Variants in ZC3H12D observed in about 807,000 individuals in gnomAD.
ZC3H12D encodes zinc finger CCCH-type containing 12D.
In ZC3H12D, 11 loss-of-function variants were observed where a neutral mutation model predicts 24.2. That is an observed-to-expected ratio of 0.46 (90% CI 0.29 to 0.75). ZC3H12D has a LOEUF of 0.75. Among genes scored for constraint, ZC3H12D ranks in the 30% least tolerant of loss-of-function variants. The pLI is 0.11. For synonymous variants in ZC3H12D, 333 were observed against 341.8 expected (o/e 0.97, Z 0.28); for missense variants, 740 against 767.7 (o/e 0.96, Z 0.43).
Position 149,461,921 on chromosome 6 carries a change from C to T in ZC3H12D, c.355G>A (p.Asp119Asn), listed in dbSNP as rs143417910. ...FSCRGIKLAVDWFRDRGHTYI... is the reference protein window; with the variant it reads ...FSCRGIKLAVNWFRDRGHTYI... ...GTGTGTCCTCTGTCCCTGAACCAGT[C>T]AACAGCCAGCTTGATTCCCCGGCAA... Residue 119 changes from aspartate (D) to asparagine (N), a missense_variant, in exon 3 of 6, where the codon GAC (aspartate) becomes AAC (asparagine). Asp to Asn is a conservative substitution (Grantham distance 23, BLOSUM62 1). Transcript: ENST00000409806. 317 of 1,611,428 alleles carry T rather than the reference C, an allele frequency of 2.0e-4. No homozygotes were observed. The African/African-American group carries it at 3.9e-3, about 20-fold the overall frequency.
chr6:149,455,296 C>G (rs1322447641), intron 4 of ZC3H12D, among the ~76,000 whole-genome samples: 1 of 152,240 alleles, frequency 6.6e-6, no homozygotes, highest in Non-Finnish European at 1.5e-5. Flanking sequence ...CTCGGTCATT[C>G]CTTTACAACT....
intron 4 of ZC3H12D, among the ~76,000 whole-genome samples, chr6:149,455,391 T>C (rs953032515): frequency 6.6e-6 from 1 of 151,600 alleles, no homozygotes; most frequent in South Asian, 2.1e-4. Context: ...AGCTGAGGAG[T>C]TTGTCTAAAA....
intron 3 of ZC3H12D, among the ~76,000 whole-genome samples, chr6:149,460,318 A>G (rs376522130): frequency 6.6e-6 from 1 of 151,868 alleles, no homozygotes; most frequent in East Asian, 1.9e-4. Flanking sequence ...GAAATCCAAA[A>G]CACTTCTGCT....
At chr6:149,471,255 G>A (rs1302484039) in intron 2 of ZC3H12D, among the ~76,000 whole-genome samples, 1 of 152,212 alleles carries the variant, frequency 6.6e-6, no homozygotes, top group Non-Finnish European at 1.5e-5. Context: ...CTAAAGCACT[G>A]GGGAAAGAAG....
At chr6:149,480,671 G>A (rs1776410776) in intron 1 of ZC3H12D, among the ~76,000 whole-genome samples, 1 of 152,206 alleles carries the variant, frequency 6.6e-6, no homozygotes, top group Admixed American at 6.5e-5. Context: ...AGGAGGCGGA[G>A]GTTGCGGTGA....
At chr6:149,467,434 T>C (rs553062470) in intron 2 of ZC3H12D, among the ~76,000 whole-genome samples, 2 of 152,230 alleles carry the variant, frequency 1.3e-5, no homozygotes, top group South Asian at 4.1e-4. Flanking sequence ...AAAAATTTGT[T>C]GTAGAGATGA....
rs114090716 is a variant in ZC3H12D at position 149,451,605 on chromosome 6, C to G, written c.788-126G>C. ...CGTGGAGATTCCTCCAAGCAGGCCC[C>G]CAGGCCGCCGCGGACTCCTCAGACT... On this transcript the variant is annotated intron_variant, in intron 5 of 5. Coordinates refer to ENST00000409806, the MANE Select transcript of ZC3H12D (RefSeq NM_207360.3). 2,276 of 841,182 alleles carry G rather than the reference C, an allele frequency of 2.7e-3. 47 individuals carry two copies. The African/African-American group carries it at 0.037, about 14-fold the overall frequency. 52.1% of individuals were successfully genotyped at this position (841,182 alleles called of 1,614,324 possible).
intron 2 of ZC3H12D, among the ~76,000 whole-genome samples, chr6:149,465,532 A>C (rs1776143924): frequency 6.6e-6 from 1 of 152,116 alleles, no homozygotes; most frequent in Non-Finnish European, 1.5e-5. Context: ...AGGAGAAAGG[A>C]TCACGAGGTC....
At chr6:149,475,199 T>G (rs891728109) in intron 1 of ZC3H12D, among the ~76,000 whole-genome samples, 4 of 150,990 alleles carry the variant, frequency 2.6e-5, no homozygotes, top group African/African-American at 4.9e-5. Context: ...TGAATTTCCC[T>G]TAACGCCCCA....
intron 1 of ZC3H12D, among the ~76,000 whole-genome samples, chr6:149,479,043 T>C (rs1776385095): frequency 6.6e-6 from 1 of 152,200 alleles, no homozygotes. Context: ...ATGCTGAATG[T>C]TTCCCTGCTC....
In ZC3H12D at chr6:149,451,026, C is replaced by T. The variant is rs1775882945; in HGVS notation, c.1241G>A (p.Arg414Gln). Residue 414 changes from arginine to glutamine, a missense_variant, in exon 6 of 6, where the codon CGG becomes CAG. Transcript: ENST00000409806. Reference sequence around the variant, plus strand: ...CAGGTCCCTAGGGCGGTGTTCGCCCCGCGGCTGGAGCTGCAGGCCGGGCGG... The same window carrying T: ...CAGGTCCCTAGGGCGGTGTTCGCCCTGCGGCTGGAGCTGCAGGCCGGGCGG... ...PPPPGLQLQP[R>Q]GEHRPRDLHG... is the part of the protein sequence containing the mutation. 6.9e-7 allele frequency: 1 copy of T among 1,443,232 alleles called. No individual in the cohort carries two copies. Among genetic ancestry groups the T allele is most frequent in the Non-Finnish European group, 9.1e-7 (1 of 1,104,062 alleles). 89.4% of individuals were successfully genotyped at this position (1,443,232 alleles called of 1,614,324 possible). A position where few individuals can be genotyped will look rare whatever the true frequency, so the allele number is the denominator to read the frequency against.
chr6:149,461,932 T>C lies in ZC3H12D; in HGVS notation c.344A>G (p.Lys115Arg), dbSNP rs372405956. Residue 115 changes from lysine to arginine, a missense_variant, in exon 3 of 6, where the codon AAG (lysine) becomes AGG (arginine). Transcript: ENST00000409806. The part of the protein sequence containing the change: ...NKETFSCRGI[K>R]LAVDWFRDRG... The stretch of plus-strand genomic sequence containing the variant: ...GTCCCTGAACCAGTCAACAGCCAGC[T>C]TGATTCCCCGGCAAGAGAAGGTTTC... 4.3e-6 allele frequency: 7 copies of C among 1,612,178 alleles called. No individual in the cohort carries two copies. Among genetic ancestry groups the C allele is most frequent in the Non-Finnish European group, 5.9e-6 (7 of 1,179,230 alleles).
chr6:149,474,105 T>C (rs752288871), intron 2 of ZC3H12D, 134 bp downstream of exon 2: 3 of 657,430 alleles, frequency 4.6e-6, no homozygotes, highest in Non-Finnish European at 7.0e-6. Context: ...TACTAAGAGA[T>C]GGTACAGGGA....
rs1443401664 is a variant in ZC3H12D at position 149,452,178 on chromosome 6, A to G, written c.787+438T>C. ...GCAAGTCAGTGAAAGAGCTGGCTAG[A>G]AGGCTGGCATCCCCCAGGGTGCTGG... On this transcript the variant is annotated intron_variant, in intron 5 of 5. Coordinates refer to ENST00000409806, the MANE Select transcript of ZC3H12D (RefSeq NM_207360.3). This position sits in a 1 kb window ranked among gnomAD's most constrained non-coding sequence, Gnocchi z 4.0. 6.1e-6 allele frequency: 1 copy of G among 163,054 alleles called. No individual in the cohort carries two copies. The highest frequency in any genetic ancestry group is 6.4e-5 in the Admixed American group (1 of 15,666). The allele number at this position is 163,054 out of a possible 1,614,324, so 10.1% of individuals were successfully genotyped here. A position where few individuals can be genotyped will look rare whatever the true frequency, so the allele number is the denominator to read the frequency against.
intron 1 of ZC3H12D, among the ~76,000 whole-genome samples, chr6:149,476,303 G>C (rs1045163202): frequency 6.6e-6 from 1 of 152,152 alleles, no homozygotes; most frequent in African/African-American, 2.4e-5. Flanking sequence ...TCAGGAATTC[G>C]AGACCGGCCT....
rs952639014 is a variant in ZC3H12D at position 149,452,772 on chromosome 6, C to T, written c.681-50G>A. On this transcript the variant is annotated intron_variant, in intron 4 of 5. Transcript: ENST00000409806. This position sits in a 1 kb window ranked among gnomAD's most constrained non-coding sequence, Gnocchi z 4.0. ...TGCAAGACCACCTGGGATTTGCCAC[C>T]AGCACCTGTACAAAGGGAGCAGGCC... 4 of 1,503,292 alleles carry T rather than the reference C, an allele frequency of 2.7e-6. No individual in the cohort carries two copies. Among genetic ancestry groups the T allele is most frequent in the Non-Finnish European group, 3.6e-6 (4 of 1,111,424 alleles). The allele number at this position is 1,503,292 out of a possible 1,614,324, so 93.1% of individuals were successfully genotyped here.
intron 3 of ZC3H12D, among the ~76,000 whole-genome samples, chr6:149,461,033 T>C (rs1403997729): frequency 6.6e-6 from 1 of 152,032 alleles, no homozygotes; most frequent in African/African-American, 2.4e-5. Context: ...AAAATATTCC[T>C]AGCTGATTGA....
intron 3 of ZC3H12D, chr6:149,459,706 GA>G (rs1562473125): frequency 1.4e-6 from 1 of 717,704 alleles, no homozygotes; most frequent in Admixed American, 2.0e-5. Context: ...CTACAACTAG[GA>G]AGGAAGAAGC....
At chr6:149,462,150 G>A (rs1055467697) in intron 2 of ZC3H12D, among the ~76,000 whole-genome samples, 180 bp from the exon 3 acceptor site, 1 of 152,160 alleles carries the variant, frequency 6.6e-6, no homozygotes, top group Non-Finnish European at 1.5e-5. Context: ...AAGGTGGGCA[G>A]ATCACTTGAG....
Sources: gnomAD v4.1 joint callset for allele counts (sites outside exome capture counted in the v4.1 genomes callset) on GRCh38, gnomAD v4.1.1 for gene constraint, Gnocchi (gnomAD v3.1) non-coding constraint, MANE v1.5 for transcripts, NCBI Gene and HGNC (gene_info 2026-07-23, HGNC 2026-07-21) for gene names.